The following TRABD2B variants were observed in gnomAD, a reference collection of about 807,000 sequenced individuals.
TRABD2B encodes TraB domain containing 2B.
In TRABD2B, 14 loss-of-function variants were observed where a neutral mutation model predicts 40.1. The ratio of observed to expected loss-of-function variants is 0.35; its 90% CI spans 0.23 to 0.55. The LOEUF is 0.55. TRABD2B is among the 20% of genes least tolerant of loss of function. The pLI is 0.90. For missense variants in TRABD2B, 541 were observed against 648.6 expected, an observed-to-expected ratio of 0.83 and a Z score of 1.80; for synonymous variants, 263 against 277.0, an observed-to-expected ratio of 0.95 and a Z score of 0.50.
chr1:47,925,315 A>C (rs1246591776), intron 2 of TRABD2B, among the ~76,000 whole-genome samples: 1 of 152,214 alleles, frequency 6.6e-6, no homozygotes, highest in Admixed American at 6.5e-5. Context: ...AGAATTCAAA[A>C]AGTATTAAGG....
chr1:47,794,790 GTTTTTTTTTT>G, intron 3 of TRABD2B, 30 bp from the exon 4 acceptor site: 5 of 1,144,846 alleles, frequency 4.4e-6, no homozygotes, highest in East Asian at 6.7e-5. Flanking sequence ...GCTGCCTTCA[GTTTTTTTTTT>G]TTTTTTTTTT....
intron 6 of TRABD2B, among the ~76,000 whole-genome samples, chr1:47,774,841 C>A (rs1251321599): frequency 6.6e-6 from 1 of 152,218 alleles, no homozygotes; most frequent in Non-Finnish European, 1.5e-5. Context: ...CTCCTAGTTT[C>A]ACCTCCAGTC....
chr1:47,851,456 G>T (rs1297650036), intron 2 of TRABD2B, among the ~76,000 whole-genome samples: 1 of 152,140 alleles, frequency 6.6e-6, no homozygotes, highest in Non-Finnish European at 1.5e-5. Context: ...TCACAGAGTG[G>T]GACATGGGTG....
intron 4 of TRABD2B, among the ~76,000 whole-genome samples, chr1:47,784,343 G>A (rs1644566410): frequency 6.6e-6 from 1 of 152,192 alleles, no homozygotes. Context: ...TCACCAGATC[G>A]GAGAGGAGAG....
chr1:47,923,708 C>T (rs976006395), intron 2 of TRABD2B, among the ~76,000 whole-genome samples: 3 of 151,822 alleles, frequency 2.0e-5, no homozygotes, highest in African/African-American at 7.3e-5. Context: ...GTGGGTGGGC[C>T]TCATCCAATC....
At chr1:47,842,700 G>A (rs944443162) in intron 2 of TRABD2B, among the ~76,000 whole-genome samples, 15 of 152,326 alleles carry the variant, frequency 9.8e-5, no homozygotes, top group African/African-American at 3.4e-4. Flanking sequence ...CTAATTGGAT[G>A]ATTCATTCCT....
chr1:47,791,853 G>A (rs1216536882), intron 4 of TRABD2B, among the ~76,000 whole-genome samples: 1 of 152,208 alleles, frequency 6.6e-6, no homozygotes, highest in Non-Finnish European at 1.5e-5. Context: ...TCAATGCCCT[G>A]CACACAAAAA....
intron 4 of TRABD2B, among the ~76,000 whole-genome samples, chr1:47,788,545 G>T (rs1229545721): frequency 6.6e-6 from 1 of 152,164 alleles, no homozygotes; most frequent in African/African-American, 2.4e-5. Flanking sequence ...TGTGGAGCAG[G>T]TGACAGCAGT....
At chr1:47,922,587 T>C (rs1224433291) in intron 2 of TRABD2B, among the ~76,000 whole-genome samples, 1 of 152,232 alleles carries the variant, frequency 6.6e-6, no homozygotes, top group East Asian at 1.9e-4. Context: ...GGCATCTCCC[T>C]GGGTCTCTCT....
chr1:47,965,627 A>G (rs1461288903), intron 2 of TRABD2B, among the ~76,000 whole-genome samples: 4 of 152,174 alleles, frequency 2.6e-5, no homozygotes, highest in African/African-American at 4.8e-5. Context: ...GGTCTCTGAC[A>G]AGGTGCCCAA....
rs150872373 is a variant in TRABD2B at position 47,930,522 on chromosome 1, C to T, written c.666+63512G>A. On this transcript the variant is annotated intron_variant, in intron 2 of 6. Transcript: ENST00000606738. ...AGTAAACCAGGCCTGCTCTGCCTGC[C>T]CTCCTCCCTGCTACTGCCCTGCAGA... 3.6e-3 allele frequency among the ~76,000 whole-genome samples: 546 copies of T among 152,286 alleles called. 6 individuals are homozygous for T. The highest frequency in any genetic ancestry group is 0.012 in the African/African-American group (503 of 41,568).
intron 2 of TRABD2B, among the ~76,000 whole-genome samples, chr1:47,916,471 A>G (rs1298380733): frequency 5.3e-5 from 8 of 152,230 alleles, no homozygotes; most frequent in Non-Finnish European, 1.5e-5. Context: ...TGGGTGAGGC[A>G]TGCAGGGCTG....
chr1:47,802,865 G>A (rs781447010), intron 2 of TRABD2B, among the ~76,000 whole-genome samples: 3 of 151,888 alleles, frequency 2.0e-5, no homozygotes, highest in Non-Finnish European at 2.9e-5. Flanking sequence ...TGCTCAAAAC[G>A]TTCACAGGTC....
intron 2 of TRABD2B, among the ~76,000 whole-genome samples, chr1:47,868,203 G>A (rs1363979086): frequency 6.6e-6 from 1 of 152,226 alleles, no homozygotes; most frequent in Admixed American, 6.5e-5. Context: ...AAAATGACAT[G>A]AATTCCTGAA....
intron 2 of TRABD2B, among the ~76,000 whole-genome samples, chr1:47,976,130 G>C (rs1199433318): frequency 4.6e-5 from 7 of 152,130 alleles, no homozygotes; most frequent in Non-Finnish European, 1.0e-4. Flanking sequence ...CTTCCTGGGG[G>C]CAAGATCTTT....
intron 2 of TRABD2B, among the ~76,000 whole-genome samples, chr1:47,945,480 CTG>C (rs1365443452): frequency 2.6e-5 from 4 of 152,080 alleles, no homozygotes; most frequent in Non-Finnish European, 5.9e-5. Flanking sequence ...GTGTATGGTT[CTG>C]TGAGTTTTGA....
At chr1:47,817,874 G>A (rs1645055606) in intron 2 of TRABD2B, among the ~76,000 whole-genome samples, 1 of 152,218 alleles carries the variant, frequency 6.6e-6, no homozygotes, top group South Asian at 2.1e-4. Flanking sequence ...AGCAAGCCTG[G>A]GAGGCTTCCA....
At chr1:47,859,441 A>G (rs1178589780) in intron 2 of TRABD2B, among the ~76,000 whole-genome samples, 1 of 151,994 alleles carries the variant, frequency 6.6e-6, no homozygotes, top group Non-Finnish European at 1.5e-5. Flanking sequence ...CCCTCCTTTT[A>G]TACTTCTTCC....
chr1:47,945,863 A>G (rs756350540), intron 2 of TRABD2B, among the ~76,000 whole-genome samples: 4 of 152,198 alleles, frequency 2.6e-5, no homozygotes, highest in Admixed American at 6.5e-5. Context: ...AAGCCACTAT[A>G]AACATTTCTG....
Sources: gnomAD v4.1 joint callset for allele counts (sites outside exome capture counted in the v4.1 genomes callset) on GRCh38, gnomAD v4.1.1 for gene constraint, MANE v1.5 for transcripts, NCBI Gene and HGNC (gene_info 2026-07-23, HGNC 2026-07-21) for gene names.